Variants in NREP observed in about 807,000 individuals in gnomAD.
NREP encodes neuronal regeneration-related protein.
NREP carries 5 observed loss-of-function variants against 8.6 expected under a neutral mutation model. The observed-to-expected ratio is 0.58, with a 90% CI of 0.30 to 1.22. The LOEUF is 1.22. Ranked by LOEUF, NREP falls within the 50% of genes most tolerant of loss-of-function variation. The pLI is 0.07. For missense variants in NREP, 86 were observed against 82.5 expected (o/e 1.04, Z -0.17); for synonymous variants, 27 against 28.0 (o/e 0.96, Z 0.11).
intron 2 of NREP, 81 bp downstream of exon 2, chr5:111,755,689 G>T: frequency 1.4e-6 from 2 of 1,460,112 alleles, no homozygotes; most frequent in South Asian, 1.1e-5. Context: ...GGGTTGAGGC[G>T]GATGAAGATG....
At chr5:111,837,793 A>G (rs1254593132) in intron 2 of NREP, among the ~76,000 whole-genome samples, 4 of 152,080 alleles carry the variant, frequency 2.6e-5, no homozygotes, top group Admixed American at 1.3e-4. Flanking sequence ...ATGGTGGCAA[A>G]GTAGCATAGT....
intron 2 of NREP, among the ~76,000 whole-genome samples, chr5:111,819,795 C>T (rs532752075): frequency 6.6e-6 from 1 of 152,192 alleles, no homozygotes; most frequent in Non-Finnish European, 1.5e-5. Flanking sequence ...TTATTTAACT[C>T]ATATTTCTCC....
intron 2 of NREP, among the ~76,000 whole-genome samples, chr5:111,906,205 A>G (rs1387475914): frequency 6.6e-6 from 1 of 152,102 alleles, no homozygotes; most frequent in African/African-American, 2.4e-5. Flanking sequence ...TCTGTTGCAC[A>G]TCTAGAGTTT....
chr5:111,854,424 C>T (rs1257916617), intron 2 of NREP, among the ~76,000 whole-genome samples: 1 of 152,104 alleles, frequency 6.6e-6, no homozygotes, highest in Non-Finnish European at 1.5e-5. Flanking sequence ...GTGAGCACTC[C>T]CAGGGTGCCA....
intron 2 of NREP, among the ~76,000 whole-genome samples, chr5:111,782,175 G>A (rs934893833): frequency 2.0e-5 from 3 of 152,124 alleles, no homozygotes; most frequent in Non-Finnish European, 4.4e-5. Context: ...AATATTTACT[G>A]TAACATATTA....
intron 2 of NREP, among the ~76,000 whole-genome samples, chr5:111,947,887 G>C (rs1424672205): frequency 6.6e-6 from 1 of 151,962 alleles, no homozygotes; most frequent in African/African-American, 2.4e-5. Flanking sequence ...CTTCCTCTGA[G>C]TTACTGAGAC....
intron 2 of NREP, among the ~76,000 whole-genome samples, chr5:111,874,008 G>A (rs150822690): frequency 6.6e-6 from 1 of 152,080 alleles, no homozygotes. Flanking sequence ...CTCACTGTTA[G>A]GGTGAGTGAT....
At chr5:111,787,718 A>C (rs1489683631) in intron 2 of NREP, among the ~76,000 whole-genome samples, 1 of 152,202 alleles carries the variant, frequency 6.6e-6, no homozygotes, top group Admixed American at 6.5e-5. Flanking sequence ...ATGTTCTTCA[A>C]ATATATGTAT....
chr5:111,815,874 C>A (rs7706739), intron 2 of NREP, among the ~76,000 whole-genome samples: 1 of 151,990 alleles, frequency 6.6e-6, no homozygotes, highest in Non-Finnish European at 1.5e-5. Flanking sequence ...ATCCAAGACA[C>A]CACACGTAAG....
chr5:111,969,598 G>A (rs918681626), intron 2 of NREP: 1 of 152,202 alleles, frequency 6.6e-6, no homozygotes, highest in Non-Finnish European at 1.5e-5. Flanking sequence ...TTTAAAAGGT[G>A]TCATGTTGAA....
chr5:111,764,432 C>G (rs1282832337), intron 2 of NREP, among the ~76,000 whole-genome samples: 1 of 152,122 alleles, frequency 6.6e-6, no homozygotes, highest in African/African-American at 2.4e-5. Flanking sequence ...TGGCAGAAGG[C>G]AAGAAGGAGC....
At chr5:111,829,838 A>C (rs1407919546) in intron 2 of NREP, among the ~76,000 whole-genome samples, 4 of 152,120 alleles carry the variant, frequency 2.6e-5, no homozygotes, top group Admixed American at 6.5e-5. Context: ...CAATGACTTC[A>C]CCCACATAGC....
At chr5:111,976,733 C>T (rs1184704867) in exon 1 of NREP, 9 of 1,550,860 alleles carry the variant, frequency 5.8e-6, no homozygotes, top group Non-Finnish European at 7.9e-6. Flanking sequence ...TTCCAAACTC[C>T]TTTCATTCCA....
chr5:111,968,345 C>T (rs1450052857), intron 2 of NREP, among the ~76,000 whole-genome samples: 10 of 152,144 alleles, frequency 6.6e-5, no homozygotes, highest in African/African-American at 2.2e-4. Flanking sequence ...AAGAAAATTA[C>T]TCCCCTATTT....
chr5:111,862,625 G>T (rs981999885), intron 2 of NREP, among the ~76,000 whole-genome samples: 1 of 152,030 alleles, frequency 6.6e-6, no homozygotes, highest in Non-Finnish European at 1.5e-5. Flanking sequence ...TAGTCCAGAA[G>T]AAGATCAACT....
chr5:111,823,087 A>C (rs1440323253), intron 2 of NREP, among the ~76,000 whole-genome samples: 7 of 152,198 alleles, frequency 4.6e-5, no homozygotes, highest in African/African-American at 1.7e-4. Context: ...TCATGGGGGA[A>C]GACTAAGGGG....
chr5:111,951,595 G>T (rs1279588364), intron 2 of NREP, among the ~76,000 whole-genome samples: 1 of 151,668 alleles, frequency 6.6e-6, no homozygotes. Context: ...TCTACTTTAG[G>T]GTATAAACTT....
chr5:111,773,559 A>G lies in NREP; in HGVS notation c.136-38052T>C, dbSNP rs77453178. 6.7e-3 allele frequency among the ~76,000 whole-genome samples: 1,023 copies of G among 152,276 alleles called. 7 individuals carry two copies. Among genetic ancestry groups the G allele is most frequent in the Non-Finnish European group, 0.011 (778 of 68,010 alleles). On this transcript the variant is annotated intron_variant, in intron 2 of 3. Coordinates refer to the NREP transcript ENST00000395634. The stretch of plus-strand genomic sequence containing the variant: ...TAAAATTTGTTGGGGAGGATTGGAA[A>G]TCTGTTGTTTTCAGTTGTGCAACAA...
At chr5:111,875,514 G>A (rs1473953780) in intron 2 of NREP, among the ~76,000 whole-genome samples, 1 of 152,130 alleles carries the variant, frequency 6.6e-6, no homozygotes, top group East Asian at 1.9e-4. Context: ...ATGGCTCTTG[G>A]ATGCAGAGCT....
Sources: allele counts gnomAD v4.1 joint callset (sites outside exome capture counted in the v4.1 genomes callset), GRCh38; gene constraint gnomAD v4.1.1; transcripts MANE v1.5; gene names NCBI Gene and HGNC (gene_info 2026-07-23, HGNC 2026-07-21).